TRIM65: variants seen among roughly 807,000 people sequenced by gnomAD.
TRIM65 encodes the protein tripartite motif containing 65, also known as E3 ubiquitin-protein ligase TRIM65.
TRIM65 carries 46 observed loss-of-function variants against 36.1 expected under a neutral mutation model. The ratio of observed to expected loss-of-function variants is 1.27; its 90% confidence interval spans 1.01 to 1.63. The LOEUF is 1.63. Ranked by LOEUF, TRIM65 falls within the 40% of genes most tolerant of loss-of-function variation. TRIM65 has a pLI of 0.00. For missense variants in TRIM65, 708 were observed against 696.6 expected, an observed-to-expected ratio of 1.02 and a Z score of -0.18; for synonymous variants, 346 against 313.6, an observed-to-expected ratio of 1.10 and a Z score of -1.09.
At chr17:75,887,515 C>T (rs1288034688), downstream of TRIM65, among the ~76,000 whole-genome samples, 1 of 151,636 alleles carries the variant, frequency 6.6e-6, no homozygotes, top group African/African-American at 2.4e-5. Flanking sequence ...GGCATGGTGG[C>T]GGGTGCCTGT....
At chr17:75,880,685 T>G (rs962162384) in intron 4 of TRIM65, 1 of 150,568 alleles carries the variant, frequency 6.6e-6, no homozygotes, top group Non-Finnish European at 1.5e-5. Flanking sequence ...CCAAATGTGC[T>G]AGAGGTCATG....
At chr17:75,880,957 AC>A (rs1435799747) in intron 4 of TRIM65, among the ~76,000 whole-genome samples, 1 of 150,398 alleles carries the variant, frequency 6.6e-6, no homozygotes, top group African/African-American at 2.5e-5. Flanking sequence ...GCAAAAGAGC[AC>A]AAATGTGCCG....
downstream of TRIM65, among the ~76,000 whole-genome samples, chr17:75,885,240 T>C (rs989031380): frequency 1.3e-5 from 2 of 152,220 alleles, no homozygotes; most frequent in African/African-American, 4.8e-5. Context: ...GTTCCCTTTT[T>C]TAACTCAAGA....
At chr17:75,894,240 C>T (rs941977660) in intron 1 of TRIM65, among the ~76,000 whole-genome samples, 4 of 152,218 alleles carry the variant, frequency 2.6e-5, no homozygotes, top group African/African-American at 9.6e-5. Flanking sequence ...CACCCCTTCC[C>T]TTCCTGTCCC....
At chr17:75,886,521 C>CAA (rs537579897), downstream of TRIM65, among the ~76,000 whole-genome samples, 13 of 76,982 alleles carry the variant, frequency 1.7e-4, no homozygotes, top group Admixed American at 3.3e-4. Flanking sequence ...GACTCCGTTT[C>CAA]AAAAAAAAAA....
chr17:75,896,709 GC>G lies in TRIM65; in HGVS notation c.228del (p.Ala78ProfsTer64). The G allele has an allele frequency of 7.3e-7, 1 of 1,377,544 alleles. No individual in the cohort carries two copies. The highest frequency in any genetic ancestry group is 1.5e-5 in the African/African-American group (1 of 66,250). 85.3% of individuals were successfully genotyped at this position (1,377,544 alleles called of 1,614,324 possible). On this transcript the variant is annotated frameshift_variant, in exon 1 of 6. Coordinates refer to ENST00000269383, the MANE Select transcript of TRIM65 (RefSeq NM_173547.4). LOFTEE classifies it high-confidence loss of function. The part of the protein sequence containing the change: ...LSGVLEVVRA[G>X]PARDPGPDPG... ...GGATCGGGGCCGGGATCCCGGGCGGGCCCGGCGCGCACCACCTCCAGCACGC... is the reference window on the plus strand; with the variant it reads ...GGATCGGGGCCGGGATCCCGGGCGGGCCGGCGCGCACCACCTCCAGCACGC...
At chr17:75,884,938 CTTTTTT>C (rs534194648), downstream of TRIM65, among the ~76,000 whole-genome samples, 1 of 135,900 alleles carries the variant, frequency 7.4e-6, no homozygotes, top group African/African-American at 2.8e-5. Flanking sequence ...ACTTGAGTTC[CTTTTTT>C]TTTTTTTTTT....
Position 75,892,566 on chromosome 17 carries a change from C to G in TRIM65, c.511-66G>C. The G allele has an allele frequency of 2.7e-6, 4 of 1,454,666 alleles. No individual in the cohort carries two copies. The South Asian group carries it at 3.7e-5, about 13-fold the overall frequency. 90.1% of individuals were successfully genotyped at this position (1,454,666 alleles called of 1,614,324 possible). On this transcript the variant is annotated intron_variant, in intron 2 of 5. Coordinates refer to ENST00000269383, the MANE Select transcript of TRIM65 (RefSeq NM_173547.4). ...TGTGCCATACCAAGGGAGGCTAGGG[C>G]CAGGGCTGCCTGCTGGGCTGAGGGT...
At chr17:75,880,087 G>A (rs2065160092), downstream of TRIM65, among the ~76,000 whole-genome samples, 1 of 150,716 alleles carries the variant, frequency 6.6e-6, no homozygotes, top group Non-Finnish European at 1.5e-5. Flanking sequence ...CAAAGTCACA[G>A]GTAACTGCTC....
downstream of TRIM65, among the ~76,000 whole-genome samples, chr17:75,883,975 TA>T (rs1309119887): frequency 6.6e-6 from 1 of 151,974 alleles, no homozygotes; most frequent in African/African-American, 2.4e-5. Flanking sequence ...CTCTGTCTAC[TA>T]AAAATACAAA....
chr17:75,892,381 C>T lies in TRIM65; in HGVS notation c.630G>A (p.Leu210=), dbSNP rs1381982224. 3.7e-6 allele frequency: 6 copies of T among 1,613,806 alleles called. No individual in the cohort carries two copies. The highest frequency in any genetic ancestry group is 5.1e-6 in the Non-Finnish European group (6 of 1,179,972). The change falls in exon 3 of 6, where the codon CTG becomes CTA. Residue 210 remains leucine, a synonymous_variant. Transcript: ENST00000269383. The part of the protein sequence containing the change: ...RSIEVAKTQA[L]AQARDEEQRL... ...GCTGCTCCTCGTCTCGAGCCTGTGC[C>T]AGCGCCTGCGTCTTGGCCACCTCGA...
intron 4 of TRIM65, among the ~76,000 whole-genome samples, chr17:75,882,678 TAA>T (rs2065175801): frequency 6.6e-6 from 1 of 150,632 alleles, no homozygotes; most frequent in Non-Finnish European, 1.5e-5. Context: ...GACCCTATCC[TAA>T]AGGATGGCAA....
In TRIM65 at chr17:75,892,206, G is replaced by T. The variant is rs1599458605; in HGVS notation, c.745-21C>A. 5 of 1,580,148 alleles carry T rather than the reference G, an allele frequency of 3.2e-6. No homozygotes were observed. In the East Asian group the frequency reaches 6.9e-5, roughly 22 times the overall value. ...GATTCCTGAGCCCCAGGGAGAACAA[G>T]TAAGCCTGGGCCTGAGGGGCAGGGA... is the stretch of plus-strand genomic sequence containing the variant. On this transcript the variant is annotated intron_variant, in intron 3 of 5. Coordinates refer to ENST00000269383, the MANE Select transcript of TRIM65 (RefSeq NM_173547.4).
downstream of TRIM65, among the ~76,000 whole-genome samples, chr17:75,888,755 A>G (rs2065229664): frequency 6.6e-6 from 1 of 152,164 alleles, no homozygotes; most frequent in Non-Finnish European, 1.5e-5. Flanking sequence ...CTCCCACCTG[A>G]GGATCTTGCT....
intron 4 of TRIM65, among the ~76,000 whole-genome samples, chr17:75,882,452 G>T (rs2065174489): frequency 6.6e-6 from 1 of 150,606 alleles, no homozygotes; most frequent in Non-Finnish European, 1.5e-5. Context: ...CAGGTGATCT[G>T]CCTGCCTCGG....
chr17:75,887,574 G>A (rs574956029), downstream of TRIM65, among the ~76,000 whole-genome samples: 19 of 151,332 alleles, frequency 1.3e-4, no homozygotes, highest in African/African-American at 4.6e-4. Flanking sequence ...ATGAACCCAG[G>A]AGGCAGAGGT....
chr17:75,880,066 T>C (rs2065160007), downstream of TRIM65, among the ~76,000 whole-genome samples: 1 of 150,784 alleles, frequency 6.6e-6, no homozygotes. Context: ...ATCTGTAATT[T>C]TGGTTAGTGA....
chr17:75,882,242 C>G (rs1421274638), intron 4 of TRIM65, among the ~76,000 whole-genome samples: 1 of 150,278 alleles, frequency 6.7e-6, no homozygotes, highest in Non-Finnish European at 1.5e-5. Flanking sequence ...GAGTCTCGCT[C>G]TGTCGCCCAG....
chr17:75,881,047 A>C (rs1185545089), intron 4 of TRIM65, among the ~76,000 whole-genome samples: 1 of 149,966 alleles, frequency 6.7e-6, no homozygotes, highest in African/African-American at 2.5e-5. Flanking sequence ...CGAGTTCCAG[A>C]CCAGCCTGGT....
Sources: gnomAD v4.1 joint callset for allele counts (sites outside exome capture counted in the v4.1 genomes callset) on GRCh38, gnomAD v4.1.1 for gene constraint, MANE v1.5 for transcripts, NCBI Gene and HGNC (gene_info 2026-07-23, HGNC 2026-07-21) for gene names.